CHCHD6: variants seen among roughly 807,000 people sequenced by gnomAD.
CHCHD6 encodes coiled-coil-helix-coiled-coil-helix domain containing 6.
A neutral mutation model predicts 32.3 loss-of-function variants in CHCHD6; 28 were observed. The ratio of observed to expected loss-of-function variants is 0.87; its 90% confidence interval spans 0.64 to 1.19. The LOEUF (loss-of-function observed/expected upper bound fraction) is 1.19. Ranked by LOEUF, CHCHD6 falls within the 50% of genes most tolerant of loss-of-function variation. CHCHD6 has a pLI of 0.00. For missense variants in CHCHD6, 333 were observed against 307.0 expected, an observed-to-expected ratio of 1.08 and a Z score of -0.63; for synonymous variants, 122 against 117.5, an observed-to-expected ratio of 1.04 and a Z score of -0.25.
At chr3:126,951,327 A>C (rs935144205) in intron 6 of CHCHD6, among the ~76,000 whole-genome samples, 3 of 152,214 alleles carry the variant, frequency 2.0e-5, no homozygotes, top group Non-Finnish European at 4.4e-5. Flanking sequence ...TATTTATAGG[A>C]GTGTGAAAAC....
At chr3:126,924,567 G>A (rs890378605) in intron 6 of CHCHD6, among the ~76,000 whole-genome samples, 1 of 152,208 alleles carries the variant, frequency 6.6e-6, no homozygotes, top group Non-Finnish European at 1.5e-5. Flanking sequence ...CATGAGACAG[G>A]CACTGTCCCC....
intron 4 of CHCHD6, among the ~76,000 whole-genome samples, chr3:126,795,192 T>C (rs1470871402): frequency 6.6e-6 from 1 of 152,184 alleles, no homozygotes; most frequent in East Asian, 1.9e-4. Flanking sequence ...GAGCTCATGC[T>C]CTGGTAGAGA....
chr3:126,771,964 A>C lies in CHCHD6; in HGVS notation c.411+38742A>C, dbSNP rs982860343. Reference sequence around the variant, plus strand: ...TTTGGGTGGAGAGTTCTGTAGATGTATATTAGGTCCATTTGGTCAAGTGTT... The same window carrying C: ...TTTGGGTGGAGAGTTCTGTAGATGTCTATTAGGTCCATTTGGTCAAGTGTT... On this transcript the variant is annotated intron_variant, in intron 4 of 7. Coordinates refer to ENST00000290913, the MANE Select transcript of CHCHD6 (RefSeq NM_032343.3). 4.6e-5 allele frequency among the ~76,000 whole-genome samples: 7 copies of C among 152,136 alleles called. No individual in the cohort carries two copies. The East Asian group carries it at 1.4e-3, about 29-fold the overall frequency.
chr3:126,886,934 G>A (rs942521681), intron 5 of CHCHD6, among the ~76,000 whole-genome samples: 2 of 151,958 alleles, frequency 1.3e-5, no homozygotes, highest in Admixed American at 6.6e-5. Flanking sequence ...TTCACCCCTC[G>A]TCTCATCAAC....
chr3:126,909,146 AAC>A (rs2078047768), intron 5 of CHCHD6, among the ~76,000 whole-genome samples: 1 of 152,220 alleles, frequency 6.6e-6, no homozygotes, highest in African/African-American at 2.4e-5. Flanking sequence ...GACTGCTGTT[AAC>A]TTGGGAGGTG....
At chr3:126,789,270 G>A (rs1938395519) in intron 4 of CHCHD6, among the ~76,000 whole-genome samples, 3 of 152,092 alleles carry the variant, frequency 2.0e-5, no homozygotes, top group East Asian at 1.9e-4. Flanking sequence ...AATAAGTGCG[G>A]TGTGGTGCTG....
chr3:126,815,661 G>C (rs115261171), intron 4 of CHCHD6, among the ~76,000 whole-genome samples: 29 of 124,720 alleles, frequency 2.3e-4, no homozygotes, highest in African/African-American at 8.4e-4. Context: ...CCCCCCATCT[G>C]TGTCCACAGC....
rs1012707598 is a variant in CHCHD6 at position 126,832,417 on chromosome 3, G to A, written c.412-20230G>A. On this transcript the variant is annotated intron_variant, in intron 4 of 7. Coordinates refer to ENST00000290913, the MANE Select transcript of CHCHD6 (RefSeq NM_032343.3). ...TTCATCTGCAGGCTTGGTGGGCGCC[G>A]TCTCTACCATCTCCATAACATCCCA... Among the ~76,000 whole-genome samples, 11 of 152,236 alleles carry A rather than the reference G, an allele frequency of 7.2e-5. No homozygotes were observed. In the South Asian group the frequency reaches 1.0e-3, roughly 14 times the overall value.
chr3:126,923,202 T>G (rs2107594954), intron 6 of CHCHD6, among the ~76,000 whole-genome samples: 1 of 152,368 alleles, frequency 6.6e-6, no homozygotes, highest in East Asian at 1.9e-4. Flanking sequence ...TTTTCAATTC[T>G]GAATCTCTGT....
In CHCHD6 at chr3:126,733,171, G is replaced by T; in HGVS notation, c.360G>T (p.Leu120=). The T allele has an allele frequency of 6.2e-7, 1 of 1,614,202 alleles. No homozygotes were observed. The highest frequency in any genetic ancestry group is 8.5e-7 in the Non-Finnish European group (1 of 1,180,040). The change falls in exon 4 of 8, where the codon CTG becomes CTT. Residue 120 remains leucine, a synonymous_variant. Transcript: ENST00000290913. ...EAATKHSKAS[L]PTGEGSISHE... ...CCACCAAGCACTCCAAGGCATCCCT[G>T]CCCACGGGCGAAGGCAGCATCAGCC...
chr3:126,953,799 A>T (rs931186855), intron 6 of CHCHD6, among the ~76,000 whole-genome samples: 2 of 152,218 alleles, frequency 1.3e-5, no homozygotes, highest in Non-Finnish European at 2.9e-5. Context: ...ACACAGGGGT[A>T]CAGGACTTAT....
chr3:126,912,396 T>A (rs1346221006), intron 5 of CHCHD6, among the ~76,000 whole-genome samples: 1 of 152,082 alleles, frequency 6.6e-6, no homozygotes, highest in East Asian at 1.9e-4. Context: ...ATCTCTCGTT[T>A]GAATGTGAGG....
intron 5 of CHCHD6, among the ~76,000 whole-genome samples, chr3:126,872,808 C>T (rs1213039546): frequency 6.6e-6 from 1 of 152,222 alleles, no homozygotes; most frequent in Middle Eastern, 3.2e-3. Flanking sequence ...CAGTTGAGGA[C>T]CCTGCCCTGC....
rs2078074446 is a variant in CHCHD6, at chr3:126,910,513, CCTCCCT to C, written c.496-4163_496-4158del. ...CGCACTGCTGCCTGTGTTCAGGAGA[CCTCCCT>C]CTCATTTGGCTCATTTCTGCTCATC... On this transcript the variant is annotated intron_variant, in intron 5 of 7. Coordinates refer to ENST00000290913, the MANE Select transcript of CHCHD6 (RefSeq NM_032343.3). Among the ~76,000 whole-genome samples, 4 of 152,276 alleles carry C rather than the reference CCTCCCT, an allele frequency of 2.6e-5. No individual in the cohort carries two copies. The East Asian group carries it at 7.7e-4, about 29-fold the overall frequency.
intron 1 of CHCHD6, among the ~76,000 whole-genome samples, chr3:126,714,845 C>T (rs1456365154): frequency 1.3e-5 from 2 of 152,186 alleles, no homozygotes; most frequent in Non-Finnish European, 2.9e-5. Flanking sequence ...GCAGCTCACT[C>T]TCTTCATCCT....
intron 4 of CHCHD6, among the ~76,000 whole-genome samples, chr3:126,787,261 T>C (rs1182460442): frequency 6.6e-6 from 1 of 150,936 alleles, no homozygotes. Context: ...GGTAGCATGA[T>C]GCCTCCAGCT....
At chr3:126,704,733 C>T (rs1275158275) in intron 1 of CHCHD6, among the ~76,000 whole-genome samples, 1 of 152,186 alleles carries the variant, frequency 6.6e-6, no homozygotes, top group Non-Finnish European at 1.5e-5. Context: ...AGCCCGTGGC[C>T]CCTCAGGTGC....
chr3:126,939,790 AG>A (rs1327075396), intron 6 of CHCHD6, among the ~76,000 whole-genome samples: 5 of 152,350 alleles, frequency 3.3e-5, no homozygotes, highest in Non-Finnish European at 7.3e-5. Flanking sequence ...CTCAGAGATA[AG>A]GGCATCATTT....
At chr3:126,922,069 CAT>C (rs1389388020) in intron 6 of CHCHD6, among the ~76,000 whole-genome samples, 14 of 152,350 alleles carry the variant, frequency 9.2e-5, no homozygotes, top group East Asian at 1.9e-4. Flanking sequence ...AATTTACTGA[CAT>C]GTGTGGCTTA....
Sources: gnomAD v4.1 joint callset for allele counts (sites outside exome capture counted in the v4.1 genomes callset) on GRCh38, gnomAD v4.1.1 for gene constraint, MANE v1.5 for transcripts, NCBI Gene and HGNC (gene_info 2026-07-23, HGNC 2026-07-21) for gene names.